NCAM1: variants seen among roughly 807,000 people sequenced by gnomAD.
The protein encoded by NCAM1 is neural cell adhesion molecule 1.
In NCAM1, 14 loss-of-function variants were observed where a neutral mutation model predicts 109.8. The observed-to-expected ratio is 0.13, with a 90% CI of 0.08 to 0.20. NCAM1 has a LOEUF of 0.20. Among genes scored for constraint, NCAM1 ranks in the 10% least tolerant of loss-of-function variants. The pLI is 1.00. For synonymous variants in NCAM1, 418 were observed against 442.9 expected, an observed-to-expected ratio of 0.94 and a Z score of 0.70; for missense variants, 774 against 1,109.9, an observed-to-expected ratio of 0.70 and a Z score of 4.30.
At chr11:113,229,399 G>C (rs1944938157) in intron 9 of NCAM1, among the ~76,000 whole-genome samples, 1 of 152,234 alleles carries the variant, frequency 6.6e-6, no homozygotes, top group African/African-American at 2.4e-5. Context: ...TCTCATACCA[G>C]TTAGAATGGC....
In NCAM1 at chr11:113,051,540, A is replaced by G. The variant is rs543520867; in HGVS notation, c.52+89876A>G. Among the ~76,000 whole-genome samples, 655 of 151,408 alleles carry G rather than the reference A, an allele frequency of 4.3e-3. 5 individuals carry two copies. The highest frequency in any genetic ancestry group is 0.015 in the African/African-American group (627 of 41,412). ...CCCATTAAACTACCACCTAAAAAAA[A>G]TAAGATTAACATTTTGGTGTCTATC... On this transcript the variant is annotated intron_variant, in intron 1 of 19. Transcript: ENST00000316851.
intron 17 of NCAM1, chr11:113,265,113 G>A: frequency 1.0e-6 from 1 of 985,344 alleles, no homozygotes; most frequent in Non-Finnish European, 1.2e-6. Context: ...TAATAAGAAT[G>A]CTAACATTGT....
intron 1 of NCAM1, among the ~76,000 whole-genome samples, chr11:113,097,970 C>T (rs1288702462): frequency 1.3e-5 from 2 of 152,082 alleles, no homozygotes; most frequent in African/African-American, 4.8e-5. Flanking sequence ...AGCGCCAAGG[C>T]CTTTTATTTT....
At chr11:113,050,133 C>G (rs1953418386) in intron 1 of NCAM1, among the ~76,000 whole-genome samples, 2 of 84,508 alleles carry the variant, frequency 2.4e-5, no homozygotes, top group Admixed American at 3.4e-4. Context: ...GGGGCAGAAA[C>G]AGAGGGTGGG....
intron 1 of NCAM1, among the ~76,000 whole-genome samples, chr11:112,997,922 C>T (rs1371460030): frequency 6.6e-6 from 1 of 152,128 alleles, no homozygotes; most frequent in Non-Finnish European, 1.5e-5. Context: ...CACGAAGACA[C>T]TTTTGCTTCG....
At chr11:113,188,698 T>A (rs868975034) in intron 1 of NCAM1, among the ~76,000 whole-genome samples, 2 of 152,310 alleles carry the variant, frequency 1.3e-5, no homozygotes, top group African/African-American at 4.8e-5. Flanking sequence ...ACCTGGGTTC[T>A]TTTTAAGGAA....
chr11:113,055,893 A>G (rs73566673), intron 1 of NCAM1, among the ~76,000 whole-genome samples: 2,066 of 149,984 alleles, frequency 0.014, 49 homozygotes, highest in African/African-American at 0.048. Flanking sequence ...TTGCACTTCT[A>G]TGTTTAATAT....
At chr11:113,150,339 G>A (rs1211155540) in intron 1 of NCAM1, among the ~76,000 whole-genome samples, 1 of 152,150 alleles carries the variant, frequency 6.6e-6, no homozygotes, top group African/African-American at 2.4e-5. Flanking sequence ...GCAAAGGAAT[G>A]GTTTGTGGCA....
At chr11:113,169,324 A>C (rs1277478557) in intron 1 of NCAM1, among the ~76,000 whole-genome samples, 1 of 152,086 alleles carries the variant, frequency 6.6e-6, no homozygotes, top group Non-Finnish European at 1.5e-5. Flanking sequence ...CCCAATGTAA[A>C]ATCAGTACTG....
At chr11:113,205,809 G>A (rs1565498537) in intron 4 of NCAM1, 143 bp downstream of exon 4, 1 of 1,237,176 alleles carries the variant, frequency 8.1e-7, no homozygotes, top group South Asian at 1.5e-5. Flanking sequence ...CTGAATAGAT[G>A]CATATCTGAA....
intron 1 of NCAM1, among the ~76,000 whole-genome samples, chr11:113,077,605 T>A (rs1197952885): frequency 6.6e-6 from 1 of 152,188 alleles, no homozygotes; most frequent in Non-Finnish European, 1.5e-5. Context: ...TTTGTTGAAT[T>A]CACCTTTTCC....
intron 1 of NCAM1, among the ~76,000 whole-genome samples, chr11:113,087,802 G>A (rs1229931231): frequency 3.3e-5 from 5 of 152,180 alleles, no homozygotes; most frequent in Non-Finnish European, 5.9e-5. Context: ...AGAGAAAGCA[G>A]ATTTACTCCT....
intron 8 of NCAM1, among the ~76,000 whole-genome samples, chr11:113,219,969 T>C (rs1206395232): frequency 2.6e-5 from 4 of 152,222 alleles, no homozygotes; most frequent in Admixed American, 6.5e-5. Flanking sequence ...AAAAGTTCCT[T>C]GCATTTAGTG....
chr11:112,971,683 C>T (rs1950885620), intron 1 of NCAM1, among the ~76,000 whole-genome samples: 1 of 152,082 alleles, frequency 6.6e-6, no homozygotes, highest in Admixed American at 6.5e-5. Context: ...CTTGACCTTA[C>T]AGATCTTACT....
At chr11:113,121,272 G>A (rs1940945760) in intron 1 of NCAM1, among the ~76,000 whole-genome samples, 2 of 142,358 alleles carry the variant, frequency 1.4e-5, no homozygotes, top group African/African-American at 5.3e-5. Flanking sequence ...CCAGGCTGGA[G>A]TGCAGTGATA....
At chr11:113,078,577 G>C (rs1555086570) in intron 1 of NCAM1, among the ~76,000 whole-genome samples, 1 of 152,066 alleles carries the variant, frequency 6.6e-6, no homozygotes, top group African/African-American at 2.4e-5. Context: ...GGGGAGTGGA[G>C]GGTAGTGATG....
At chr11:113,027,020 GAGA>G (rs1375339792) in intron 1 of NCAM1, among the ~76,000 whole-genome samples, 3 of 152,300 alleles carry the variant, frequency 2.0e-5, no homozygotes, top group Admixed American at 6.5e-5. Context: ...CAGGCTCACA[GAGA>G]AGGACAACGA....
intron 1 of NCAM1, among the ~76,000 whole-genome samples, chr11:113,195,274 C>T (rs568567952): frequency 1.2e-4 from 19 of 152,290 alleles, no homozygotes; most frequent in Non-Finnish European, 2.6e-4. Flanking sequence ...GACAAGACTG[C>T]TCTGTCATCC....
chr11:112,989,519 C>T (rs1457326486), intron 1 of NCAM1, among the ~76,000 whole-genome samples: 1 of 152,032 alleles, frequency 6.6e-6, no homozygotes, highest in Non-Finnish European at 1.5e-5. Flanking sequence ...GCATTGTCTT[C>T]CTAAACTCAT....
Sources: gnomAD v4.1 joint callset for allele counts (sites outside exome capture counted in the v4.1 genomes callset) on GRCh38, gnomAD v4.1.1 for gene constraint, MANE v1.5 for transcripts, NCBI Gene and HGNC (gene_info 2026-07-23, HGNC 2026-07-21) for gene names.